The following CAPN13 variants were observed in gnomAD, a reference collection of about 807,000 sequenced individuals.
CAPN13 encodes calpain-13.
CAPN13 carries 90 observed loss-of-function variants against 98.4 expected under a neutral mutation model. The ratio of observed to expected loss-of-function variants is 0.92; its 90% CI spans 0.77 to 1.09. CAPN13 has a LOEUF of 1.09. Among genes scored for constraint, CAPN13 ranks in the 50% least tolerant of loss-of-function variants. The probability of loss-of-function intolerance (pLI) is 0.00; values close to 1 mark genes in which losing one functional copy is unlikely to be tolerated. For missense variants in CAPN13, 887 were observed against 841.3 expected, an observed-to-expected ratio of 1.05 and a Z score of -0.67; for synonymous variants, 330 against 305.5, an observed-to-expected ratio of 1.08 and a Z score of -0.84.
intron 21 of CAPN13, 27 bp downstream of exon 21, chr2:30,731,317 T>G (rs1671079112): frequency 1.3e-6 from 2 of 1,595,030 alleles, no homozygotes; most frequent in African/African-American, 2.7e-5. Flanking sequence ...GGACTGTGCC[T>G]GCCCCGGGGA....
intron 1 of CAPN13, among the ~76,000 whole-genome samples, chr2:30,790,902 T>A (rs1674575195): frequency 6.6e-6 from 1 of 152,224 alleles, no homozygotes; most frequent in Admixed American, 6.5e-5. Context: ...CTTTCCCTCA[T>A]CCTCTTCTTA....
At chr2:30,741,880 T>C in intron 15 of CAPN13, 28 bp downstream of exon 15, 2 of 1,613,866 alleles carry the variant, frequency 1.2e-6, no homozygotes, top group Non-Finnish European at 1.7e-6. Flanking sequence ...CAATCCCACG[T>C]AAGGCCCCTG....
chr2:30,790,802 G>A (rs1336393071), intron 1 of CAPN13, among the ~76,000 whole-genome samples: 5 of 152,176 alleles, frequency 3.3e-5, no homozygotes, highest in African/African-American at 9.7e-5. Flanking sequence ...AGGCATAAAT[G>A]GGTTAACAAC....
chr2:30,790,625 AG>A (rs1674555600), intron 1 of CAPN13, among the ~76,000 whole-genome samples: 1 of 152,156 alleles, frequency 6.6e-6, no homozygotes, highest in Non-Finnish European at 1.5e-5. Context: ...TGGGTGACTG[AG>A]TGAGCTTGGG....
At chr2:30,749,170 C>G (rs928929531) in intron 11 of CAPN13, among the ~76,000 whole-genome samples, 3 of 152,180 alleles carry the variant, frequency 2.0e-5, no homozygotes, top group African/African-American at 7.2e-5. Context: ...GGTTGAGCAT[C>G]CTTAACCTGA....
chr2:30,765,960 A>T (rs1393749853), intron 5 of CAPN13, among the ~76,000 whole-genome samples: 3 of 152,144 alleles, frequency 2.0e-5, no homozygotes, highest in African/African-American at 4.8e-5. Flanking sequence ...TGCTCAGTTA[A>T]CTGTAGAGCC....
At chr2:30,731,785 C>T (rs1002922631) in intron 20 of CAPN13, among the ~76,000 whole-genome samples, 1 of 152,192 alleles carries the variant, frequency 6.6e-6, no homozygotes, top group Non-Finnish European at 1.5e-5. Flanking sequence ...AGGCTTGTAC[C>T]TCAGGCTTCT....
At chr2:30,749,922 A>T (rs527609621) in intron 11 of CAPN13, among the ~76,000 whole-genome samples, 171 of 152,098 alleles carry the variant, frequency 1.1e-3, no homozygotes, top group African/African-American at 3.4e-3. Context: ...AATGATATTT[A>T]AAAAAAATGA....
chr2:30,725,263 C>A (rs930340383), intron 22 of CAPN13, among the ~76,000 whole-genome samples: 16 of 152,158 alleles, frequency 1.1e-4, no homozygotes, highest in Admixed American at 4.6e-4. Flanking sequence ...CATATTTTAA[C>A]ATATTTTAAC....
intron 12 of CAPN13, among the ~76,000 whole-genome samples, chr2:30,745,041 G>T (rs193098666): frequency 3.3e-5 from 5 of 152,256 alleles, no homozygotes; most frequent in Middle Eastern, 6.8e-3. Context: ...AGGCCTGGAG[G>T]TGCTGTAATC....
At chr2:30,802,980 G>A (rs1367772961) in intron 1 of CAPN13, among the ~76,000 whole-genome samples, 2 of 152,170 alleles carry the variant, frequency 1.3e-5, no homozygotes, top group East Asian at 1.9e-4. Flanking sequence ...CTGGGTTGAC[G>A]GAACGTGCAT....
intron 1 of CAPN13, among the ~76,000 whole-genome samples, chr2:30,791,286 G>T (rs1674595920): frequency 6.6e-6 from 1 of 152,220 alleles, no homozygotes; most frequent in Non-Finnish European, 1.5e-5. Flanking sequence ...TCCTTAATGG[G>T]AGATATGTCT....
intron 22 of CAPN13, among the ~76,000 whole-genome samples, chr2:30,725,591 C>T (rs933567228): frequency 2.6e-5 from 4 of 152,282 alleles, no homozygotes; most frequent in South Asian, 2.1e-4. Context: ...GGGAGAAGCT[C>T]GCTTAACTCA....
Position 30,758,789 on chromosome 2 carries a change from T to TCCTTTCCTTCCTCCCTCCCTC in CAPN13, c.775-653_775-652insGAGGGAGGGAGGAAGGAAAGG, listed in dbSNP as rs796464019. On this transcript the variant is annotated intron_variant, in intron 7 of 22. Coordinates refer to ENST00000295055, the MANE Select transcript of CAPN13 (RefSeq NM_144575.3). ...CCTTTCCTTCCTCCCTCCCTCCCTT[T>TCCTTTCCTTCCTCCCTCCCTC]CCTTTCCTTCCTCCCTCCCTTCCCT... 9.2e-5 allele frequency among the ~76,000 whole-genome samples: 10 copies of TCCTTTCCTTCCTCCCTCCCTC among 109,250 alleles called. No homozygotes were observed. The East Asian group carries it at 1.5e-3, about 16-fold the overall frequency. 71.7% of individuals were successfully genotyped at this position (109,250 alleles called of 152,430 possible).
In CAPN13 at chr2:30,725,400, G is replaced by A. The variant is rs191797234; in HGVS notation, c.*31-2164C>T. ...CTATATCCCAATCTGCTAGGTCAGAGGAGAGCAGATGGGTTGAAGATGAGC... is the reference window on the plus strand; with the variant it reads ...CTATATCCCAATCTGCTAGGTCAGAAGAGAGCAGATGGGTTGAAGATGAGC... On this transcript the variant is annotated intron_variant, in intron 22 of 22. Transcript: ENST00000295055. 9.8e-4 allele frequency among the ~76,000 whole-genome samples: 149 copies of A among 152,308 alleles called. 3 individuals are homozygous for A. The highest frequency in any genetic ancestry group is 9.2e-3 in the Admixed American group (140 of 15,286).
intron 6 of CAPN13, among the ~76,000 whole-genome samples, chr2:30,763,808 G>T (rs906500681): frequency 6.6e-6 from 1 of 152,236 alleles, no homozygotes; most frequent in African/African-American, 2.4e-5. Context: ...AAGCCCACTG[G>T]TTGCTTGGGA....
chr2:30,804,092 A>G (rs1675461329), intron 1 of CAPN13, among the ~76,000 whole-genome samples: 1 of 152,226 alleles, frequency 6.6e-6, no homozygotes, highest in Non-Finnish European at 1.5e-5. Flanking sequence ...TTCAGGAATC[A>G]AGACAAAAGA....
At chr2:30,735,529 C>T (rs1421064175) in intron 18 of CAPN13, among the ~76,000 whole-genome samples, 5 of 152,174 alleles carry the variant, frequency 3.3e-5, no homozygotes, top group African/African-American at 7.2e-5. Context: ...ATTGATTCAG[C>T]ATTTTGAACC....
chr2:30,758,789 T>TCCTTTCCTCCCTCCCTC lies in CAPN13; in HGVS notation c.775-653_775-652insGAGGGAGGGAGGAAAGG, dbSNP rs1572829416. 1.5e-4 allele frequency among the ~76,000 whole-genome samples: 16 copies of TCCTTTCCTCCCTCCCTC among 109,250 alleles called. No individual in the cohort carries two copies. In the East Asian group the frequency reaches 4.7e-3, roughly 32 times the overall value. The allele number at this position is 109,250 out of a possible 152,430, so 71.7% of individuals were successfully genotyped here. On this transcript the variant is annotated intron_variant, in intron 7 of 22. Transcript: ENST00000295055. ...CCTTTCCTTCCTCCCTCCCTCCCTTTCCTTTCCTTCCTCCCTCCCTTCCCT... is the reference window on the plus strand; with the variant it reads ...CCTTTCCTTCCTCCCTCCCTCCCTTTCCTTTCCTCCCTCCCTCCCTTTCCTTCCTCCCTCCCTTCCCT...
Sources: gnomAD v4.1 joint callset for allele counts (sites outside exome capture counted in the v4.1 genomes callset) on GRCh38, gnomAD v4.1.1 for gene constraint, MANE v1.5 for transcripts, NCBI Gene and HGNC (gene_info 2026-07-23, HGNC 2026-07-21) for gene names.